CACNA1E: variants seen among roughly 807,000 people sequenced by gnomAD.
The protein encoded by CACNA1E is voltage-dependent R-type calcium channel subunit alpha-1E.
In CACNA1E, 40 loss-of-function variants were observed where a neutral mutation model predicts 259.2. That is an observed-to-expected ratio of 0.15 (90% CI 0.12 to 0.20). The LOEUF (loss-of-function observed/expected upper bound fraction) is 0.20, where lower values mean the gene tolerates loss of function less well. Ranked by LOEUF, CACNA1E falls within the 10% of genes least tolerant of loss-of-function variation. The pLI is 1.00. For synonymous variants in CACNA1E, 1,104 were observed against 1,138.5 expected, an observed-to-expected ratio of 0.97 and a Z score of 0.61; for missense variants, 1,874 against 3,040.1, an observed-to-expected ratio of 0.62 and a Z score of 9.02.
intron 1 of CACNA1E, among the ~76,000 whole-genome samples, chr1:181,400,288 C>T (rs887338283): frequency 1.3e-5 from 2 of 152,204 alleles, no homozygotes; most frequent in African/African-American, 4.8e-5. Context: ...TTCTAGTTAA[C>T]TGATGATTTA....
At chr1:181,473,824 G>C (rs1226149459) in intron 2 of CACNA1E, among the ~76,000 whole-genome samples, 1 of 152,218 alleles carries the variant, frequency 6.6e-6, no homozygotes, top group Admixed American at 6.5e-5. Flanking sequence ...ACCTAGGATT[G>C]ATCTTTTGCT....
intron 25 of CACNA1E, among the ~76,000 whole-genome samples, chr1:181,740,406 G>C (rs1300091312): frequency 6.6e-6 from 1 of 152,060 alleles, no homozygotes; most frequent in Non-Finnish European, 1.5e-5. Flanking sequence ...GAAGCTGACA[G>C]TGCTTCTCCC....
chr1:181,697,217 G>A lies in CACNA1E; in HGVS notation c.1056-13737G>A, dbSNP rs569035165. ...GAGGAAAATACACTGAAAAGCTGTG[G>A]TGAAATGTTGCTGATGTAATCCTAA... On this transcript the variant is annotated intron_variant, in intron 7 of 47. Coordinates refer to ENST00000367573, the MANE Select transcript of CACNA1E (RefSeq NM_001205293.3). 2.0e-4 allele frequency among the ~76,000 whole-genome samples: 31 copies of A among 152,366 alleles called. No homozygotes were observed. The South Asian group carries it at 6.4e-3, about 32-fold the overall frequency.
chr1:181,318,392 C>T (rs188796641), intron 1 of CACNA1E, among the ~76,000 whole-genome samples: 4 of 152,360 alleles, frequency 2.6e-5, no homozygotes, highest in Non-Finnish European at 4.4e-5. Flanking sequence ...AACGCCCCCG[C>T]GCTCTTTGGC....
At chr1:181,429,811 G>T (rs1659586326) in intron 2 of CACNA1E, among the ~76,000 whole-genome samples, 2 of 152,166 alleles carry the variant, frequency 1.3e-5, no homozygotes. Flanking sequence ...AACCCTCAAA[G>T]ATTCAGATCA....
At chr1:181,546,389 A>G (rs1447468863) in intron 3 of CACNA1E, among the ~76,000 whole-genome samples, 2 of 152,092 alleles carry the variant, frequency 1.3e-5, no homozygotes, top group African/African-American at 4.8e-5. Flanking sequence ...GCTGATTTCT[A>G]ATCCTTTAGT....
At chr1:181,543,807 A>G (rs909056043) in intron 3 of CACNA1E, among the ~76,000 whole-genome samples, 2 of 152,238 alleles carry the variant, frequency 1.3e-5, no homozygotes, top group Admixed American at 6.5e-5. Context: ...CACACCCATT[A>G]GGGTGGTTAC....
At chr1:181,499,823 A>T (rs1444566998) in intron 1 of CACNA1E, among the ~76,000 whole-genome samples, 1 of 152,226 alleles carries the variant, frequency 6.6e-6, no homozygotes, top group Non-Finnish European at 1.5e-5. Context: ...CTGATCTTCT[A>T]GACCGAGGGG....
At chr1:181,713,393 AG>A (rs771258214) in intron 8 of CACNA1E, among the ~76,000 whole-genome samples, 1 of 152,226 alleles carries the variant, frequency 6.6e-6, no homozygotes, top group Non-Finnish European at 1.5e-5. Context: ...TTATGTCTGC[AG>A]GAAGGAGTGC....
rs543277829 is a variant in CACNA1E, at chr1:181,696,101, CAATT to C, written c.1056-14849_1056-14846del. ...AAAAGCATAAACAATGAAATCAAAACAATTAATAAGTTGGGCTTTGTCAAAATAA... is the reference window on the plus strand; with the variant it reads ...AAAAGCATAAACAATGAAATCAAAACAATAAGTTGGGCTTTGTCAAAATAA... On this transcript the variant is annotated intron_variant, in intron 7 of 47. Transcript: ENST00000367573. 4.5e-3 allele frequency among the ~76,000 whole-genome samples: 687 copies of C among 152,172 alleles called. 5 individuals carry two copies. Among genetic ancestry groups the C allele is most frequent in the African/African-American group, 0.015 (633 of 41,554 alleles).
chr1:181,481,296 T>C (rs1055118539), upstream of CACNA1E, among the ~76,000 whole-genome samples: 8 of 151,936 alleles, frequency 5.3e-5, no homozygotes, highest in Admixed American at 5.3e-4. Context: ...GCTGGACATG[T>C]TGAGACCATT....
intron 44 of CACNA1E, among the ~76,000 whole-genome samples, chr1:181,791,824 C>T (rs1460954560): frequency 6.6e-6 from 1 of 152,202 alleles, no homozygotes; most frequent in African/African-American, 2.4e-5. Context: ...CTGATCCCTC[C>T]CCGCTGCTAC....
intron 6 of CACNA1E, among the ~76,000 whole-genome samples, chr1:181,640,570 T>C (rs1039984419): frequency 6.6e-6 from 1 of 152,224 alleles, no homozygotes; most frequent in Non-Finnish European, 1.5e-5. Context: ...AGATGTTCAA[T>C]GATAAATTAA....
chr1:181,551,991 C>A (rs1648219677), intron 3 of CACNA1E, among the ~76,000 whole-genome samples: 1 of 152,136 alleles, frequency 6.6e-6, no homozygotes. Context: ...GCAGTGTAAG[C>A]TTTCATCAAA....
intron 3 of CACNA1E, among the ~76,000 whole-genome samples, chr1:181,572,743 G>A (rs77940527): frequency 7.0e-4 from 106 of 152,282 alleles, no homozygotes; most frequent in Non-Finnish European, 9.4e-4. Context: ...TTTGTGGTGT[G>A]TGTGTCTCTC....
chr1:181,648,680 A>T (rs747935606), intron 6 of CACNA1E, among the ~76,000 whole-genome samples: 1 of 152,240 alleles, frequency 6.6e-6, no homozygotes, highest in African/African-American at 2.4e-5. Context: ...AATTTTGGAC[A>T]TCCTCATTAC....
chr1:181,560,868 A>G (rs935471478), intron 3 of CACNA1E, among the ~76,000 whole-genome samples: 3 of 152,240 alleles, frequency 2.0e-5, no homozygotes, highest in African/African-American at 7.2e-5. Context: ...TGGATAAACA[A>G]AATGTGGTCT....
At chr1:181,761,988 G>A (rs186791575) in intron 32 of CACNA1E, among the ~76,000 whole-genome samples, 14 of 152,254 alleles carry the variant, frequency 9.2e-5, no homozygotes, top group African/African-American at 3.1e-4. Flanking sequence ...ATCAGTAGTT[G>A]GTTTGAAAAG....
chr1:181,571,016 G>C (rs1650355288), intron 3 of CACNA1E, among the ~76,000 whole-genome samples: 1 of 152,198 alleles, frequency 6.6e-6, no homozygotes, highest in African/African-American at 2.4e-5. Flanking sequence ...GAGGGAGGGA[G>C]CTGATGGGTC....
Sources: allele counts gnomAD v4.1 joint callset (sites outside exome capture counted in the v4.1 genomes callset), GRCh38; gene constraint gnomAD v4.1.1; transcripts MANE v1.5; gene names NCBI Gene and HGNC (gene_info 2026-07-23, HGNC 2026-07-21).